The following CACNA1D variants were observed in gnomAD, a reference collection of about 807,000 sequenced individuals.
CACNA1D encodes the protein voltage-dependent L-type calcium channel subunit alpha-1D.
Under a neutral mutation model 257.1 loss-of-function variants are expected in CACNA1D, and 55 were observed. The ratio of observed to expected loss-of-function variants is 0.21; its 90% CI spans 0.17 to 0.27. CACNA1D has a LOEUF of 0.27. Ranked by LOEUF, CACNA1D falls within the 10% of genes least tolerant of loss-of-function variation. The probability of loss-of-function intolerance (pLI) is 1.00; values close to 1 mark genes in which losing one functional copy is unlikely to be tolerated. For synonymous variants in CACNA1D, 980 were observed against 1,014.9 expected, an observed-to-expected ratio of 0.97 and a Z score of 0.65; for missense variants, 1,876 against 2,784.0, an observed-to-expected ratio of 0.67 and a Z score of 7.34.
chr3:53,735,345 T>A, intron 19 of CACNA1D, 29 bp from the exon 20 acceptor site: 3 of 1,612,370 alleles, frequency 1.9e-6, no homozygotes, highest in Non-Finnish European at 2.5e-6. Flanking sequence ...TATCTGGGAC[T>A]GTTTCCAAGC....
At chr3:53,781,130 A>G (rs1015528454) in intron 38 of CACNA1D, among the ~76,000 whole-genome samples, 1 of 152,238 alleles carries the variant, frequency 6.6e-6, no homozygotes, top group Non-Finnish European at 1.5e-5. Flanking sequence ...TGTTGTATGG[A>G]TGAGTACATA....
intron 3 of CACNA1D, among the ~76,000 whole-genome samples, chr3:53,520,849 C>CTCTTTCTTTCTTT (rs746194735): frequency 1.5e-5 from 2 of 133,000 alleles, no homozygotes; most frequent in East Asian, 2.1e-4. Context: ...TTTGCAAACT[C>CTCTTTCTTTCTTT]CTTTCTTTCT....
chr3:53,520,107 A>C (rs2091492975), intron 3 of CACNA1D, among the ~76,000 whole-genome samples: 1 of 152,196 alleles, frequency 6.6e-6, no homozygotes, highest in African/African-American at 2.4e-5. Flanking sequence ...TGCTGTGAAC[A>C]TTCATGTGCA....
intron 3 of CACNA1D, among the ~76,000 whole-genome samples, chr3:53,534,610 C>T (rs1418382692): frequency 3.3e-5 from 5 of 152,184 alleles, no homozygotes; most frequent in Non-Finnish European, 5.9e-5. Context: ...TCTCTCTCTG[C>T]CCACTGGTTT....
intron 3 of CACNA1D, among the ~76,000 whole-genome samples, chr3:53,645,955 C>T (rs2094015366): frequency 6.6e-6 from 1 of 152,230 alleles, no homozygotes; most frequent in Non-Finnish European, 1.5e-5. Context: ...GAAATCAGAT[C>T]TATGGCTCCA....
chr3:53,555,461 T>TGTGTGTGTG (rs533515957), intron 3 of CACNA1D, among the ~76,000 whole-genome samples: 7 of 99,338 alleles, frequency 7.0e-5, no homozygotes, highest in African/African-American at 3.7e-4. Flanking sequence ...TGTGTGTGTG[T>TGTGTGTGTG]TTTTTTTTTT....
At chr3:53,735,866 C>T (rs1170104822) in intron 20 of CACNA1D, among the ~76,000 whole-genome samples, 1 of 152,214 alleles carries the variant, frequency 6.6e-6, no homozygotes, top group African/African-American at 2.4e-5. Flanking sequence ...CGTGGAAGCA[C>T]ACAGCAGGGA....
At chr3:53,636,820 C>A (rs1576181602) in intron 3 of CACNA1D, among the ~76,000 whole-genome samples, 1 of 152,198 alleles carries the variant, frequency 6.6e-6, no homozygotes, top group East Asian at 1.9e-4. Flanking sequence ...ATGCTTAATA[C>A]CTATTGTCAA....
At chr3:53,736,361 A>G (rs1320011141) in intron 20 of CACNA1D, among the ~76,000 whole-genome samples, 1 of 152,112 alleles carries the variant, frequency 6.6e-6, no homozygotes, top group African/African-American at 2.4e-5. Flanking sequence ...AAAAGAATAT[A>G]TAATGAATGT....
chr3:53,801,183 T>G lies in CACNA1D; in HGVS notation c.5166T>G (p.Ser1722Arg). 1 of 1,613,908 alleles carries G rather than the reference T, an allele frequency of 6.2e-7. No individual in the cohort carries two copies. Among genetic ancestry groups the G allele is most frequent in the South Asian group, 1.1e-5 (1 of 91,066 alleles). ...HVQRPSIPPA[S>R]DTEKPLFPPA... ...AAAGGCCTTCAATTCCACCTGCAAGTGATACTGAGAAACCGCTGTTTCCTC... is the reference window on the plus strand; with the variant it reads ...AAAGGCCTTCAATTCCACCTGCAAGGGATACTGAGAAACCGCTGTTTCCTC... The change falls in exon 42 of 48, where the codon AGT (serine) becomes AGG (arginine). Residue 1722 changes from serine (S) to arginine (R), a missense_variant. Ser to Arg is a moderately radical substitution (Grantham distance 110). Transcript: ENST00000350061.
At chr3:53,696,661 G>A (rs2094576015) in intron 8 of CACNA1D, among the ~76,000 whole-genome samples, 1 of 152,204 alleles carries the variant, frequency 6.6e-6, no homozygotes, top group Non-Finnish European at 1.5e-5. Context: ...ACTTGAGCTT[G>A]GTCTTGAAAG....
chr3:53,788,137 CAGTGAATG>C (rs1296759951), intron 40 of CACNA1D, among the ~76,000 whole-genome samples: 1 of 151,934 alleles, frequency 6.6e-6, no homozygotes, highest in East Asian at 1.9e-4. Context: ...ATATGAATGA[CAGTGAATG>C]AGTGAATGAC....
intron 3 of CACNA1D, chr3:53,530,187 A>G (rs1211931009): frequency 6.6e-6 from 1 of 152,270 alleles, no homozygotes; most frequent in African/African-American, 2.4e-5. Flanking sequence ...CATCAATTTC[A>G]GTAAAGTAGA....
chr3:53,734,376 A>G (rs1446767642), intron 19 of CACNA1D, among the ~76,000 whole-genome samples: 1 of 152,068 alleles, frequency 6.6e-6, no homozygotes, highest in Non-Finnish European at 1.5e-5. Flanking sequence ...TATTTTAGAT[A>G]TACATATATA....
At chr3:53,783,103 G>A (rs2095434512) in intron 39 of CACNA1D, 1 of 152,160 alleles carries the variant, frequency 6.6e-6, no homozygotes, top group Non-Finnish European at 1.5e-5. Context: ...GCATGCTTCA[G>A]AATAGTGGGC....
At chr3:53,719,026 G>T (rs186966793) in intron 10 of CACNA1D, among the ~76,000 whole-genome samples, 2 of 151,956 alleles carry the variant, frequency 1.3e-5, no homozygotes, top group African/African-American at 4.8e-5. Flanking sequence ...GGCAGCTGGC[G>T]GGGGGGCTGG....
chr3:53,752,141 T>C (rs914875412), intron 28 of CACNA1D, among the ~76,000 whole-genome samples: 2 of 152,208 alleles, frequency 1.3e-5, no homozygotes, highest in East Asian at 1.9e-4. Flanking sequence ...AACATTTCCA[T>C]GGAGCCTGGC....
chr3:53,503,762 C>CTTTT (rs75095437), intron 3 of CACNA1D, among the ~76,000 whole-genome samples: 1 of 141,938 alleles, frequency 7.0e-6, no homozygotes, highest in Non-Finnish European at 1.5e-5. Context: ...AAGCTTTGAA[C>CTTTT]TTTTTTTTTT....
rs780023179 is a variant in CACNA1D, at chr3:53,521,467, C to G, written c.483+19747C>G. 2.6e-5 allele frequency among the ~76,000 whole-genome samples: 4 copies of G among 152,184 alleles called. No individual in the cohort carries two copies. In the South Asian group the frequency reaches 6.2e-4, roughly 24 times the overall value. On this transcript the variant is annotated intron_variant, in intron 3 of 47. Coordinates refer to ENST00000350061, the MANE Select transcript of CACNA1D (RefSeq NM_001128840.3). ...AGGTTGCCTGTTCCAACTCCCTTGTCGGAGTAACGGGAGGCACTGTGATCA... is the reference window on the plus strand; with the variant it reads ...AGGTTGCCTGTTCCAACTCCCTTGTGGGAGTAACGGGAGGCACTGTGATCA...
Sources: gnomAD v4.1 joint callset for allele counts (sites outside exome capture counted in the v4.1 genomes callset) on GRCh38, gnomAD v4.1.1 for gene constraint, MANE v1.5 for transcripts, NCBI Gene and HGNC (gene_info 2026-07-23, HGNC 2026-07-21) for gene names.